The following NCAM2 variants were observed in gnomAD, a reference collection of about 807,000 sequenced individuals.
NCAM2 encodes the protein N-CAM-2.
In NCAM2, 30 loss-of-function variants were observed where a neutral mutation model predicts 98.1. The ratio of observed to expected loss-of-function variants is 0.31; its 90% confidence interval spans 0.23 to 0.41. The LOEUF is 0.41. Among genes scored for constraint, NCAM2 ranks in the 10% least tolerant of loss-of-function variants. The pLI is 1.00. For synonymous variants in NCAM2, 368 were observed against 342.4 expected, an observed-to-expected ratio of 1.07 and a Z score of -0.83; for missense variants, 867 against 1,005.8, an observed-to-expected ratio of 0.86 and a Z score of 1.87.
At chr21:21,356,972 A>T (rs903551242) in intron 8 of NCAM2, among the ~76,000 whole-genome samples, 3 of 140,546 alleles carry the variant, frequency 2.1e-5, no homozygotes, top group African/African-American at 9.0e-5. Flanking sequence ...CTGGGAAACA[A>T]GAGCGAAACT....
chr21:21,031,355 C>T lies in NCAM2; in HGVS notation c.55+32737C>T, dbSNP rs539973329. ...TAAATCGAGACATGAAGAGCCTTAG[C>T]AAATTCCTCAGAGTCACACAACTGA... On this transcript the variant is annotated intron_variant, in intron 1 of 17. Coordinates refer to ENST00000400546, the MANE Select transcript of NCAM2 (RefSeq NM_004540.5). Among the ~76,000 whole-genome samples, 7 of 152,284 alleles carry T rather than the reference C, an allele frequency of 4.6e-5. No homozygotes were observed. The South Asian group carries it at 1.2e-3, about 27-fold the overall frequency.
intron 6 of NCAM2, among the ~76,000 whole-genome samples, chr21:21,325,865 T>C (rs966447908): frequency 2.6e-5 from 4 of 152,140 alleles, no homozygotes; most frequent in Non-Finnish European, 5.9e-5. Context: ...ATGTTCCACT[T>C]TGTATGTAGT....
intron 12 of NCAM2, among the ~76,000 whole-genome samples, chr21:21,458,724 T>G (rs529782581): frequency 6.6e-6 from 1 of 152,264 alleles, no homozygotes; most frequent in East Asian, 1.9e-4. Context: ...GGTAATCTCT[T>G]TTAGCAGCCA....
chr21:21,476,294 A>C (rs745774615), intron 14 of NCAM2, among the ~76,000 whole-genome samples: 3 of 152,166 alleles, frequency 2.0e-5, no homozygotes, highest in East Asian at 1.9e-4. Context: ...TTTCATTTCC[A>C]TACAGTTTTT....
intron 1 of NCAM2, among the ~76,000 whole-genome samples, chr21:21,090,460 T>G (rs946946822): frequency 6.6e-6 from 1 of 152,148 alleles, no homozygotes; most frequent in Admixed American, 6.5e-5. Context: ...AATAGTGACA[T>G]CTAAACAAAA....
chr21:21,486,481 T>C (rs1299684692), intron 15 of NCAM2, among the ~76,000 whole-genome samples: 1 of 152,136 alleles, frequency 6.6e-6, no homozygotes, highest in Non-Finnish European at 1.5e-5. Context: ...ATATTAAATT[T>C]CTCGATATTT....
chr21:21,486,303 CAAA>C (rs67182493), intron 15 of NCAM2, among the ~76,000 whole-genome samples: 6 of 52,254 alleles, frequency 1.1e-4, no homozygotes, highest in African/African-American at 5.0e-4. Flanking sequence ...GACTCCGTCT[CAAA>C]AAAAAAAAAA....
chr21:21,391,650 T>G (rs1306958724), intron 9 of NCAM2, among the ~76,000 whole-genome samples: 1 of 152,202 alleles, frequency 6.6e-6, no homozygotes, highest in East Asian at 1.9e-4. Context: ...CTAACATGTC[T>G]TCTCTCTGCT....
At chr21:21,064,161 G>C (rs1722087228) in intron 1 of NCAM2, among the ~76,000 whole-genome samples, 1 of 152,156 alleles carries the variant, frequency 6.6e-6, no homozygotes, top group Non-Finnish European at 1.5e-5. Context: ...CATTGAATGT[G>C]GAGGCTTTGA....
At chr21:21,090,947 A>C (rs1446072112) in intron 1 of NCAM2, among the ~76,000 whole-genome samples, 1 of 152,172 alleles carries the variant, frequency 6.6e-6, no homozygotes, top group African/African-American at 2.4e-5. Flanking sequence ...TCTCCTCATT[A>C]ATGCTTTTCT....
intron 1 of NCAM2, among the ~76,000 whole-genome samples, chr21:21,078,075 A>G (rs1330959808): frequency 1.3e-5 from 2 of 152,156 alleles, no homozygotes; most frequent in African/African-American, 4.8e-5. Flanking sequence ...TACTGTGGAT[A>G]TAGCTTACTT....
intron 1 of NCAM2, among the ~76,000 whole-genome samples, chr21:21,150,980 A>G (rs1390184082): frequency 4.9e-5 from 5 of 101,334 alleles, no homozygotes; most frequent in Non-Finnish European, 1.2e-4. Flanking sequence ...TTTTAAAAAT[A>G]TATATATATT....
intron 17 of NCAM2, among the ~76,000 whole-genome samples, chr21:21,535,625 C>T (rs1183999355): frequency 2.6e-5 from 4 of 152,026 alleles, no homozygotes; most frequent in African/African-American, 2.4e-5. Context: ...TATAAATCCT[C>T]GGGCCAATTT....
intron 6 of NCAM2, among the ~76,000 whole-genome samples, chr21:21,327,262 C>T (rs547236268): frequency 1.4e-5 from 2 of 145,060 alleles, no homozygotes; most frequent in Non-Finnish European, 3.0e-5. Flanking sequence ...GAGCTGAGTT[C>T]GCGCCACTAC....
chr21:21,446,864 C>T (rs760782308), intron 12 of NCAM2, among the ~76,000 whole-genome samples: 2 of 152,046 alleles, frequency 1.3e-5, no homozygotes, highest in Non-Finnish European at 2.9e-5. Flanking sequence ...AGTACCTCTT[C>T]AAGGAGAACT....
intron 1 of NCAM2, among the ~76,000 whole-genome samples, chr21:21,097,107 C>A (rs892513805): frequency 2.0e-5 from 3 of 151,670 alleles, no homozygotes; most frequent in Non-Finnish European, 3.0e-5. Context: ...TGGTAAACAT[C>A]ACGTGGGTTT....
intron 1 of NCAM2, among the ~76,000 whole-genome samples, chr21:21,165,998 G>A (rs1297143359): frequency 6.6e-6 from 1 of 152,088 alleles, no homozygotes; most frequent in African/African-American, 2.4e-5. Context: ...TTCTCTAAGG[G>A]AATTGGGACC....
chr21:21,319,407 C>G (rs542204158), intron 5 of NCAM2, among the ~76,000 whole-genome samples: 1 of 152,266 alleles, frequency 6.6e-6, no homozygotes, highest in Admixed American at 6.5e-5. Flanking sequence ...CTTTGGGAGG[C>G]CAACACAGGT....
At chr21:21,123,733 C>A (rs2066725404) in intron 1 of NCAM2, among the ~76,000 whole-genome samples, 1 of 151,832 alleles carries the variant, frequency 6.6e-6, no homozygotes. Flanking sequence ...ATATTAATAA[C>A]CCAAACTTTT....
Sources: allele counts gnomAD v4.1 joint callset (sites outside exome capture counted in the v4.1 genomes callset), GRCh38; gene constraint gnomAD v4.1.1; transcripts MANE v1.5; gene names NCBI Gene and HGNC (gene_info 2026-07-23, HGNC 2026-07-21).